Variants in KIAA0753 observed in about 807,000 individuals in gnomAD.
KIAA0753 encodes protein moonraker.
KIAA0753 carries 114 observed loss-of-function variants against 116.9 expected under a neutral mutation model. That is an observed-to-expected ratio of 0.98 (90% CI 0.84 to 1.14). The LOEUF (loss-of-function observed/expected upper bound fraction) is 1.14, where lower values mean the gene tolerates loss of function less well. Among genes scored for constraint, KIAA0753 ranks in the 50% most tolerant of loss-of-function variants. The probability of loss-of-function intolerance (pLI) is 0.00; values close to 1 mark genes in which losing one functional copy is unlikely to be tolerated. For missense variants in KIAA0753, 1,156 were observed against 1,172.4 expected (o/e 0.99, Z 0.20); for synonymous variants, 405 against 413.1 (o/e 0.98, Z 0.24).
chr17:6,608,492 G>A, intron 9 of KIAA0753, 28 bp from the exon 10 acceptor site: 1 of 1,309,456 alleles, frequency 7.6e-7, no homozygotes, highest in Non-Finnish European at 1.1e-6. Context: ...GCATACCTTT[G>A]TCATCATTCA....
intron 9 of KIAA0753, among the ~76,000 whole-genome samples, chr17:6,608,834 C>T (rs1456553369): frequency 6.6e-6 from 1 of 152,152 alleles, no homozygotes; most frequent in African/African-American, 2.4e-5. Context: ...CACTGTTGAG[C>T]CTAGAAGCCT....
chr17:6,592,166 A>G (rs1188437110), intron 16 of KIAA0753, among the ~76,000 whole-genome samples: 1 of 152,234 alleles, frequency 6.6e-6, no homozygotes, highest in Non-Finnish European at 1.5e-5. Context: ...CAACAGTAGC[A>G]AAGCACAGAG....
intron 7 of KIAA0753, among the ~76,000 whole-genome samples, chr17:6,617,315 C>A (rs1437163401): frequency 6.6e-6 from 1 of 152,174 alleles, no homozygotes; most frequent in African/African-American, 2.4e-5. Flanking sequence ...GAAAGGCTGG[C>A]AAAGGCAGAC....
intron 15 of KIAA0753, 46 bp from the exon 16 acceptor site, chr17:6,595,099 T>A: frequency 7.3e-7 from 1 of 1,362,190 alleles, no homozygotes; most frequent in Non-Finnish European, 1.0e-6. Flanking sequence ...AAAAATGAGT[T>A]TAATTACAAA....
At chr17:6,622,226 C>T (rs1348525221) in intron 6 of KIAA0753, among the ~76,000 whole-genome samples, 2 of 152,122 alleles carry the variant, frequency 1.3e-5, no homozygotes, top group African/African-American at 2.4e-5. Flanking sequence ...GTCATCTCTC[C>T]GATGTTTGCT....
chr17:6,614,822 G>A lies in KIAA0753; in HGVS notation c.1316-2674C>T, dbSNP rs535791415. On this transcript the variant is annotated intron_variant, in intron 7 of 18. Transcript: ENST00000361413. ...ATAAGTTTTATTTTATTTTTGAGAC[G>A]GAGTCTTGCTCTGTTGTCCAGCCTG... 8.5e-5 allele frequency among the ~76,000 whole-genome samples: 13 copies of A among 152,270 alleles called. No homozygotes were observed. The South Asian group carries it at 1.9e-3, about 22-fold the overall frequency.
rs373862216 is a variant in KIAA0753, at chr17:6,584,810, T to C, written c.2787-4946A>G. On this transcript the variant is annotated intron_variant, in intron 18 of 18. Transcript: ENST00000361413. Reference sequence around the variant, plus strand: ...ATCTTCCAGTAGCATGTGAACTAAATTTTTAAACACTTTGCCCACCTGAAA... The same window carrying C: ...ATCTTCCAGTAGCATGTGAACTAAACTTTTAAACACTTTGCCCACCTGAAA... Among the ~76,000 whole-genome samples, 45 of 152,328 alleles carry C rather than the reference T, an allele frequency of 3.0e-4. No homozygotes were observed. The South Asian group carries it at 8.9e-3, about 30-fold the overall frequency.
intron 12 of KIAA0753, among the ~76,000 whole-genome samples, chr17:6,606,500 A>G (rs938648832): frequency 5.9e-5 from 9 of 152,246 alleles, no homozygotes. Flanking sequence ...ATACGAAACT[A>G]AAGTAGCTAT....
intron 12 of KIAA0753, among the ~76,000 whole-genome samples, chr17:6,604,754 T>C (rs547780140): frequency 2.6e-5 from 4 of 152,166 alleles, no homozygotes; most frequent in African/African-American, 9.6e-5. Flanking sequence ...AGTACTGTGC[T>C]GTAGTTTCCC....
At chr17:6,606,594 G>C (rs1335591286) in intron 12 of KIAA0753, among the ~76,000 whole-genome samples, 2 of 152,192 alleles carry the variant, frequency 1.3e-5, no homozygotes, top group Non-Finnish European at 2.9e-5. Flanking sequence ...CTAGAGAAAA[G>C]TACCTTTGAG....
chr17:6,596,237 G>C lies in KIAA0753; in HGVS notation c.2279C>G (p.Ser760Cys), dbSNP rs561375556. 1 of 1,613,824 alleles carries C rather than the reference G, an allele frequency of 6.2e-7. No homozygotes were observed. Among genetic ancestry groups the C allele is most frequent in the South Asian group, 1.1e-5 (1 of 91,058 alleles). ...WAVTHAKILGSETLATVEDSK... is the reference protein window; with the variant it reads ...WAVTHAKILGCETLATVEDSK... Reference sequence around the variant, plus strand: ...GTCCTCAACGGTGGCTAAGGTTTCAGACCCCAAGATCTTAGCATGAGTCAC... The same window carrying C: ...GTCCTCAACGGTGGCTAAGGTTTCACACCCCAAGATCTTAGCATGAGTCAC... The change falls in exon 15 of 19, where the codon TCT becomes TGT. Residue 760 changes from serine (S) to cysteine (C), a missense_variant. Coordinates refer to ENST00000361413, the MANE Select transcript of KIAA0753 (RefSeq NM_014804.3).
At chr17:6,613,619 A>T (rs1409436661) in intron 7 of KIAA0753, among the ~76,000 whole-genome samples, 1 of 152,232 alleles carries the variant, frequency 6.6e-6, no homozygotes, top group Non-Finnish European at 1.5e-5. Flanking sequence ...AGGCAGCACG[A>T]TAACTCAGTG....
intron 12 of KIAA0753, among the ~76,000 whole-genome samples, chr17:6,601,647 A>G (rs1969882590): frequency 6.6e-6 from 1 of 152,252 alleles, no homozygotes; most frequent in South Asian, 2.1e-4. Flanking sequence ...CTCATACACA[A>G]AAATTAATTC....
intron 7 of KIAA0753, among the ~76,000 whole-genome samples, chr17:6,613,065 A>T (rs1005626123): frequency 6.6e-6 from 1 of 152,192 alleles, no homozygotes; most frequent in African/African-American, 2.4e-5. Flanking sequence ...CTTTACAGAC[A>T]AACTATTACA....
chr17:6,623,765 G>A (rs76733897), intron 4 of KIAA0753, 194 bp from the exon 5 acceptor site: 9,354 of 650,212 alleles, frequency 0.014, 89 homozygotes, highest in Non-Finnish European at 0.017. Flanking sequence ...ATAGTGAATA[G>A]GCAGTGTTCA....
At chr17:6,608,114 A>G (rs1398501143) in intron 10 of KIAA0753, among the ~76,000 whole-genome samples, 2 of 152,246 alleles carry the variant, frequency 1.3e-5, no homozygotes. Context: ...TATATAATTG[A>G]CACATATATA....
At chr17:6,594,406 T>C (rs1271128939) in intron 16 of KIAA0753, among the ~76,000 whole-genome samples, 1 of 152,154 alleles carries the variant, frequency 6.6e-6, no homozygotes, top group Non-Finnish European at 1.5e-5. Context: ...TTTAATGTAT[T>C]TATGACATAA....
intron 6 of KIAA0753, among the ~76,000 whole-genome samples, chr17:6,621,907 A>T (rs746429674): frequency 6.6e-6 from 1 of 152,226 alleles, no homozygotes; most frequent in Non-Finnish European, 1.5e-5. Context: ...CATTCCTCAC[A>T]GTGAGTTCTA....
At chr17:6,600,483 T>C in intron 12 of KIAA0753, 25 bp from the exon 13 acceptor site, 1 of 1,572,126 alleles carries the variant, frequency 6.4e-7, no homozygotes, top group Admixed American at 1.7e-5. Context: ...AATTGAAAAT[T>C]AAAATCAAAG....
Sources: gnomAD v4.1 joint callset for allele counts (sites outside exome capture counted in the v4.1 genomes callset) on GRCh38, gnomAD v4.1.1 for gene constraint, MANE v1.5 for transcripts, NCBI Gene and HGNC (gene_info 2026-07-23, HGNC 2026-07-21) for gene names.